Variants in NTN5 observed in about 807,000 individuals in gnomAD.
NTN5 encodes netrin 5.
NTN5 carries 42 observed loss-of-function variants against 38.7 expected under a neutral mutation model. The observed-to-expected ratio is 1.08, with a 90% CI of 0.85 to 1.40. NTN5 has a LOEUF of 1.40. NTN5 is among the 40% of genes most tolerant of loss of function. The probability of loss-of-function intolerance (pLI) is 0.00; values close to 1 mark genes in which losing one functional copy is unlikely to be tolerated. For missense variants in NTN5, 658 were observed against 716.5 expected (o/e 0.92, Z 0.93); for synonymous variants, 329 against 303.9 (o/e 1.08, Z -0.86).
chr19:48,669,706 T>TCACCATCAC (rs2031865069), intron 2 of NTN5, among the ~76,000 whole-genome samples: 1 of 39,944 alleles, frequency 2.5e-5, no homozygotes, highest in Non-Finnish European at 4.8e-5. Flanking sequence ...ATCATCACCA[T>TCACCATCAC]CACCACCATC....
intron 4 of NTN5, 142 bp from the exon 5 acceptor site, chr19:48,663,956 C>T: frequency 8.8e-7 from 1 of 1,131,754 alleles, no homozygotes; most frequent in Non-Finnish European, 1.3e-6. Context: ...GCCTTCAGGC[C>T]CCAAGCCTCC....
At position 48,672,969 on chromosome 19, in the gene NTN5, C is replaced by T. The variant is rs939340426; in HGVS notation, c.-58G>A. 2.3e-5 allele frequency: 7 copies of T among 304,986 alleles called. No individual in the cohort carries two copies. The highest frequency in any genetic ancestry group is 3.4e-5 in the Non-Finnish European group (5 of 148,668). The allele number at this position is 304,986 out of a possible 1,614,324, so 18.9% of individuals were successfully genotyped here. ...AGAGAGCGTCCTGCAGCCAGTTCCC[C>T]GCAGGCTCTTCCTCCAAGCTGTGGC... On this transcript the variant is annotated 5_prime_UTR_variant, in exon 1 of 7. Transcript: ENST00000270235.
chr19:48,670,224 G>A (rs1410047693), intron 2 of NTN5, 132 bp downstream of exon 2: 13 of 945,458 alleles, frequency 1.4e-5, no homozygotes, highest in Middle Eastern at 3.6e-4. Flanking sequence ...TGAGGGGACC[G>A]AGTCTGAGAC....
chr19:48,661,452 G>A lies in NTN5; in HGVS notation c.*225C>T, dbSNP rs989054436. The A allele has an allele frequency of 4.6e-6, 2 of 437,540 alleles. No homozygotes were observed. Among genetic ancestry groups the A allele is most frequent in the Non-Finnish European group, 7.8e-6 (2 of 256,856 alleles). The allele number at this position is 437,540 out of a possible 1,614,324, so 27.1% of individuals were successfully genotyped here. On this transcript the variant is annotated 3_prime_UTR_variant, in exon 7 of 7. Coordinates refer to ENST00000270235, the MANE Select transcript of NTN5 (RefSeq NM_145807.4). The stretch of plus-strand genomic sequence containing the variant: ...TATTGGGGGAAACAGATCACTGGCG[G>A]GGAATAAGCCACAGGCCAAAGGAGG...
chr19:48,668,909 G>A lies in NTN5; in HGVS notation c.631+1447C>T, dbSNP rs113196248. The stretch of plus-strand genomic sequence containing the variant: ...CTGCATCCAGCCAGGCCCTGGGATG[G>A]GTGCTCGGAAACTGTTATTACATCA... On this transcript the variant is annotated intron_variant, in intron 2 of 6. Coordinates refer to ENST00000270235, the MANE Select transcript of NTN5 (RefSeq NM_145807.4). Among the ~76,000 whole-genome samples the A allele has an allele frequency of 5.6e-3, 848 of 151,194 alleles. 14 individuals are homozygous for A. Among genetic ancestry groups the A allele is most frequent in the African/African-American group, 0.019 (763 of 41,204 alleles).
intron 4 of NTN5, 41 bp downstream of exon 4, chr19:48,664,102 C>T: frequency 6.4e-7 from 1 of 1,566,430 alleles, no homozygotes. Context: ...TGTCTCCTTC[C>T]CGCTCTACTC....
In NTN5 at chr19:48,661,515, CT is replaced by C; in HGVS notation, c.*161del. On this transcript the variant is annotated 3_prime_UTR_variant, in exon 7 of 7. Coordinates refer to ENST00000270235, the MANE Select transcript of NTN5 (RefSeq NM_145807.4). ...CAGAAGTCCCGCTTGCCGCCTTTTG[CT>C]AAAAGTTCCGCACGCCTGCTCGGCG... 1.1e-6 allele frequency: 1 copy of C among 888,472 alleles called. No individual in the cohort carries two copies. The highest frequency in any genetic ancestry group is 1.5e-6 in the Non-Finnish European group (1 of 660,736). The allele number at this position is 888,472 out of a possible 1,614,324, so 55.0% of individuals were successfully genotyped here.
chr19:48,672,222 G>A (rs1466303555), intron 1 of NTN5, among the ~76,000 whole-genome samples: 1 of 152,154 alleles, frequency 6.6e-6, no homozygotes, highest in Non-Finnish European at 1.5e-5. Flanking sequence ...ATGCCAGGGC[G>A]CCCGTGGGGG....
At chr19:48,663,669 A>G in intron 5 of NTN5, 92 bp downstream of exon 5, 4 of 1,510,594 alleles carry the variant, frequency 2.6e-6, no homozygotes, top group Non-Finnish European at 2.8e-6. Context: ...ACTGGGCTCA[A>G]TGGGTGACCC....
chr19:48,672,895 C>T (rs976497403), intron 1 of NTN5, 37 bp downstream of exon 1: 1 of 214,466 alleles, frequency 4.7e-6, no homozygotes, highest in Admixed American at 5.4e-5. Flanking sequence ...GCATGCACCC[C>T]CCAACCCGAG....
Position 48,670,687 on chromosome 19 carries a change from A to G in NTN5, c.300T>C (p.Gly100=), listed in dbSNP as rs2031937967. 6.2e-7 allele frequency: 1 copy of G among 1,610,282 alleles called. No individual in the cohort carries two copies. The highest frequency in any genetic ancestry group is 1.7e-5 in the Admixed American group (1 of 59,576). The change falls in exon 2 of 7, where the codon GGT becomes GGC. Residue 100 remains glycine (G), a synonymous_variant. Coordinates refer to ENST00000270235, the MANE Select transcript of NTN5 (RefSeq NM_145807.4). ...LILSAAWASG[G]PWRLLWHRPA... ...GCCTGTGCCACAGCAGCCTCCAGGG[A>G]CCCCCTGAGGCCCAGGCAGCAGACA...
chr19:48,671,329 G>A (rs1003962408), intron 1 of NTN5, among the ~76,000 whole-genome samples: 10 of 151,540 alleles, frequency 6.6e-5, no homozygotes, highest in African/African-American at 1.7e-4. Context: ...GCCAGCAGAC[G>A]TGGAAACCTA....
chr19:48,661,727 C>G lies in NTN5; in HGVS notation c.1420G>C (p.Gly474Arg), dbSNP rs1389649542. ...GTGGGTGCCCGCACGCCGCGGCAGCCTCCGGCGCGCTCCTCCTGCTGCAGC... is the reference window on the plus strand; with the variant it reads ...GTGGGTGCCCGCACGCCGCGGCAGCGTCCGGCGCGCTCCTCCTGCTGCAGC... ...KRLQQEERAG[G>R]CRGVRAPTPS... The change falls in exon 7 of 7, where the codon GGC becomes CGC. Residue 474 changes from glycine to arginine, a missense_variant. Gly to Arg is a moderately radical substitution (Grantham distance 125). Transcript: ENST00000270235. The G allele has an allele frequency of 6.5e-7, 1 of 1,545,798 alleles. No homozygotes were observed. The highest frequency in any genetic ancestry group is 8.6e-7 in the Non-Finnish European group (1 of 1,156,548).
chr19:48,662,939 G>A (rs1055903280), intron 6 of NTN5: 8 of 275,176 alleles, frequency 2.9e-5, no homozygotes, highest in African/African-American at 6.6e-5. Flanking sequence ...AATAGCTGGC[G>A]TTGGTCTAGA....
intron 6 of NTN5, chr19:48,662,989 C>A: frequency 6.1e-6 from 2 of 327,108 alleles, no homozygotes; most frequent in South Asian, 5.1e-5. Context: ...CTTAAGAGAG[C>A]TGAATAGCCT....
chr19:48,664,244 G>T lies in NTN5; in HGVS notation c.869C>A (p.Thr290Asn). ...IGATGGTCNQ[T>N]SGQCTCKLGV... The stretch of plus-strand genomic sequence containing the variant: ...TAACTTGCAGGTGCACTGCCCACTG[G>T]TCTGGTTGCAGGTTCCTCCTGTTGC... Residue 290 changes from threonine to asparagine, a missense_variant, in exon 4 of 7, where the codon ACC (threonine) becomes AAC (asparagine). Coordinates refer to ENST00000270235, the MANE Select transcript of NTN5 (RefSeq NM_145807.4). 2 of 1,612,980 alleles carry T rather than the reference G, an allele frequency of 1.2e-6. No homozygotes were observed. The highest frequency in any genetic ancestry group is 1.7e-6 in the Non-Finnish European group (2 of 1,179,586).
Position 48,661,833 on chromosome 19 carries a change from G to T in NTN5, c.1314C>A (p.Asp438Glu). ...DYLLLGSAVG[D>E]PDPTRLILDR... ...CGAGGATGAGGCGCGTGGGGTCGGG[G>T]TCGCCCACGGCGCTGCCCAGCAGCA... Residue 438 changes from aspartate (D) to glutamate (E), a missense_variant, in exon 7 of 7, where the codon GAC becomes GAA. Physicochemically the swap from Asp to Glu is conservative, Grantham distance 45 (BLOSUM62 2). Transcript: ENST00000270235. 1 of 1,333,470 alleles carries T rather than the reference G, an allele frequency of 7.5e-7. No individual in the cohort carries two copies. The highest frequency in any genetic ancestry group is 9.6e-7 in the Non-Finnish European group (1 of 1,047,080). 82.6% of individuals were successfully genotyped at this position (1,333,470 alleles called of 1,614,324 possible).
rs1241022978 is a variant in NTN5 at position 48,670,429 on chromosome 19, G to A, written c.558C>T (p.Cys186=). The change falls in exon 2 of 7, where the codon TGC becomes TGT. Residue 186 remains cysteine, a synonymous_variant. Transcript: ENST00000270235. ...HCRHHTTGPG[C]ESCRPSHRDW... ...CTCGATGGGACGGGCGGCAGCTCTCGCACCCCGGGCCAGTGGTATGGTGGC... is the reference window on the plus strand; with the variant it reads ...CTCGATGGGACGGGCGGCAGCTCTCACACCCCGGGCCAGTGGTATGGTGGC... 2.1e-6 allele frequency: 3 copies of A among 1,453,170 alleles called. No individual in the cohort carries two copies. The highest frequency in any genetic ancestry group is 2.7e-6 in the Non-Finnish European group (3 of 1,104,678). The allele number at this position is 1,453,170 out of a possible 1,614,324, so 90.0% of individuals were successfully genotyped here.
At chr19:48,668,605 G>A (rs1420815082) in intron 2 of NTN5, among the ~76,000 whole-genome samples, 1 of 152,158 alleles carries the variant, frequency 6.6e-6, no homozygotes, top group Non-Finnish European at 1.5e-5. Flanking sequence ...AGCCTGGCAG[G>A]GACAGGCTGA....
Sources: allele counts gnomAD v4.1 joint callset (sites outside exome capture counted in the v4.1 genomes callset), GRCh38; gene constraint gnomAD v4.1.1; transcripts MANE v1.5; gene names NCBI Gene and HGNC (gene_info 2026-07-23, HGNC 2026-07-21).